The following TMEFF2 variants were observed in gnomAD, a reference collection of about 807,000 sequenced individuals.
The protein encoded by TMEFF2 is transmembrane protein with EGF like and two follistatin like domains 2.
In TMEFF2, 28 loss-of-function variants were observed where a neutral mutation model predicts 53.8. The observed-to-expected ratio is 0.52, with a 90% CI of 0.39 to 0.71. The LOEUF is 0.71. Among genes scored for constraint, TMEFF2 ranks in the 30% least tolerant of loss-of-function variants. The pLI is 0.00. For missense variants in TMEFF2, 353 were observed against 455.2 expected (o/e 0.78, Z 2.04); for synonymous variants, 162 against 166.3 (o/e 0.97, Z 0.20).
intron 7 of TMEFF2, among the ~76,000 whole-genome samples, chr2:191,986,367 A>AT (rs1455579051): frequency 2.0e-5 from 3 of 152,204 alleles, no homozygotes; most frequent in Non-Finnish European, 4.4e-5. Context: ...AGTTATGCAA[A>AT]TACTAGTTAG....
At chr2:191,962,585 C>A (rs1692304719) in intron 7 of TMEFF2, among the ~76,000 whole-genome samples, 1 of 152,104 alleles carries the variant, frequency 6.6e-6, no homozygotes, top group East Asian at 1.9e-4. Flanking sequence ...AACTCAGTTT[C>A]TATTTGTAAT....
chr2:192,087,531 CTTTG>C (rs896580676), intron 4 of TMEFF2, among the ~76,000 whole-genome samples: 4 of 152,080 alleles, frequency 2.6e-5, no homozygotes, highest in African/African-American at 4.8e-5. Context: ...CCCGTCAAAT[CTTTG>C]TTTGTTTAAA....
chr2:192,076,000 G>A (rs1688423866), intron 4 of TMEFF2, among the ~76,000 whole-genome samples: 1 of 151,822 alleles, frequency 6.6e-6, no homozygotes, highest in African/African-American at 2.4e-5. Flanking sequence ...AAGGAAAGAA[G>A]TAAAAGTGTA....
At chr2:192,165,075 T>C (rs1432111343) in intron 4 of TMEFF2, among the ~76,000 whole-genome samples, 4 of 151,244 alleles carry the variant, frequency 2.6e-5, no homozygotes, top group African/African-American at 9.7e-5. Context: ...ACAAAACAAA[T>C]AGCACAGATG....
intron 7 of TMEFF2, among the ~76,000 whole-genome samples, chr2:191,978,724 G>T (rs1685787323): frequency 6.6e-6 from 1 of 152,126 alleles, no homozygotes; most frequent in African/African-American, 2.4e-5. Flanking sequence ...TGTGGTGCAG[G>T]CACCCCTGGT....
chr2:192,015,036 C>CCTCCCTTTGCATA (rs1686713901), intron 5 of TMEFF2, among the ~76,000 whole-genome samples: 1 of 152,146 alleles, frequency 6.6e-6, no homozygotes, highest in Non-Finnish European at 1.5e-5. Context: ...GCGGATAATA[C>CCTCCCTTTGCATA]CTCCCTTTGC....
intron 7 of TMEFF2, among the ~76,000 whole-genome samples, chr2:191,997,924 C>T (rs983662506): frequency 2.0e-5 from 3 of 151,798 alleles, no homozygotes; most frequent in African/African-American, 7.3e-5. Context: ...AGAACATTTG[C>T]ATTTATTATA....
Position 192,162,850 on chromosome 2 carries a change from T to A in TMEFF2, c.439+16818A>T, listed in dbSNP as rs1207083445. Among the ~76,000 whole-genome samples the A allele has an allele frequency of 2.0e-5, 3 of 152,322 alleles. No homozygotes were observed. The East Asian group carries it at 5.8e-4, about 29-fold the overall frequency. On this transcript the variant is annotated intron_variant, in intron 4 of 9. Transcript: ENST00000272771. ...TTTACAAATATTTGACAGCATCTTT[T>A]AAATCCTTGCCCAAGATTAGACAGG...
rs141547451 is a variant in TMEFF2, at chr2:192,026,787, C to T, written c.537-27579G>A. Reference sequence around the variant, plus strand: ...AAAGCTTATGCATTGTGGGATAGACCGAAGAAGAAAACTGAAGAAAATGCT... The same window carrying T: ...AAAGCTTATGCATTGTGGGATAGACTGAAGAAGAAAACTGAAGAAAATGCT... On this transcript the variant is annotated intron_variant, in intron 5 of 9. Transcript: ENST00000272771. Among the ~76,000 whole-genome samples, 6 of 152,196 alleles carry T rather than the reference C, an allele frequency of 3.9e-5. No individual in the cohort carries two copies. The East Asian group carries it at 9.6e-4, about 24-fold the overall frequency.
At chr2:192,161,771 T>C (rs1690640236) in intron 4 of TMEFF2, among the ~76,000 whole-genome samples, 2 of 152,204 alleles carry the variant, frequency 1.3e-5, no homozygotes, top group African/African-American at 4.8e-5. Context: ...TCATCTTTTA[T>C]TTTTTAATCT....
chr2:191,961,235 T>C lies in TMEFF2; in HGVS notation c.746-4857A>G, dbSNP rs1692263748. 3.9e-5 allele frequency among the ~76,000 whole-genome samples: 6 copies of C among 152,314 alleles called. No homozygotes were observed. In the South Asian group the frequency reaches 1.2e-3, roughly 32 times the overall value. On this transcript the variant is annotated intron_variant, in intron 7 of 9. Coordinates refer to ENST00000272771, the MANE Select transcript of TMEFF2 (RefSeq NM_016192.4). ...ATGTAATGTATTGCCTTTCTTTTGT[T>C]TAGTGGACCTAAGTTCAATTTTTAA...
At chr2:192,082,648 T>A (rs961053509) in intron 4 of TMEFF2, among the ~76,000 whole-genome samples, 1 of 152,196 alleles carries the variant, frequency 6.6e-6, no homozygotes, top group Admixed American at 6.5e-5. Flanking sequence ...GGAATGGACT[T>A]TTATTAAAAC....
At chr2:192,171,960 T>C (rs756693486) in intron 4 of TMEFF2, among the ~76,000 whole-genome samples, 3 of 144,634 alleles carry the variant, frequency 2.1e-5, no homozygotes, top group Non-Finnish European at 3.0e-5. Flanking sequence ...CATGGTGCAA[T>C]GTCCACCTTC....
intron 7 of TMEFF2, among the ~76,000 whole-genome samples, chr2:191,993,638 C>T (rs1047819952): frequency 8.6e-5 from 13 of 151,984 alleles, no homozygotes; most frequent in Admixed American, 1.3e-4. Context: ...CAACATGCTC[C>T]TCCTCATAGC....
intron 7 of TMEFF2, among the ~76,000 whole-genome samples, chr2:191,995,821 G>A (rs1458796721): frequency 6.6e-6 from 1 of 151,794 alleles, no homozygotes; most frequent in Non-Finnish European, 1.5e-5. Context: ...CATTATCTTT[G>A]TTCCTGTCTT....
chr2:192,039,798 G>T (rs1464160079), intron 5 of TMEFF2, among the ~76,000 whole-genome samples: 1 of 152,086 alleles, frequency 6.6e-6, no homozygotes, highest in African/African-American at 2.4e-5. Flanking sequence ...TAATTTTAAA[G>T]ATTCACATTA....
chr2:192,165,246 A>G (rs1454492403), intron 4 of TMEFF2, among the ~76,000 whole-genome samples: 6 of 152,204 alleles, frequency 3.9e-5, no homozygotes, highest in Non-Finnish European at 8.8e-5. Flanking sequence ...GAGAAAAGGG[A>G]AACTTTGGAG....
intron 4 of TMEFF2, among the ~76,000 whole-genome samples, chr2:192,109,117 T>A (rs1273555872): frequency 6.6e-6 from 1 of 152,056 alleles, no homozygotes; most frequent in Non-Finnish European, 1.5e-5. Context: ...CAATACTGTG[T>A]ACGTAATTAA....
At chr2:192,190,791 TC>T (rs1296615413) in intron 2 of TMEFF2, among the ~76,000 whole-genome samples, 1 of 152,194 alleles carries the variant, frequency 6.6e-6, no homozygotes, top group Non-Finnish European at 1.5e-5. Context: ...TTGAATTCCA[TC>T]TAAAATATTT....
Sources: allele counts gnomAD v4.1 joint callset (sites outside exome capture counted in the v4.1 genomes callset), GRCh38; gene constraint gnomAD v4.1.1; transcripts MANE v1.5; gene names NCBI Gene and HGNC (gene_info 2026-07-23, HGNC 2026-07-21).